The following HS3ST5 variants were observed in gnomAD, a reference collection of about 807,000 sequenced individuals.
HS3ST5 encodes the protein heparan sulfate-glucosamine 3-sulfotransferase 5, also known as heparan sulfate glucosamine 3-O-sulfotransferase 5.
A neutral mutation model predicts 25.4 loss-of-function variants in HS3ST5; 10 were observed. The ratio of observed to expected loss-of-function variants is 0.39; its 90% CI spans 0.24 to 0.67. HS3ST5 has a LOEUF of 0.67. Among genes scored for constraint, HS3ST5 ranks in the 30% least tolerant of loss-of-function variants. The pLI is 0.44. For missense variants in HS3ST5, 324 were observed against 420.7 expected (o/e 0.77, Z 2.01); for synonymous variants, 170 against 162.4 (o/e 1.05, Z -0.36).
intron 3 of HS3ST5, among the ~76,000 whole-genome samples, chr6:114,156,436 G>T (rs1431380822): frequency 1.3e-5 from 2 of 152,206 alleles, no homozygotes; most frequent in Non-Finnish European, 2.9e-5. Flanking sequence ...TATGTATTTT[G>T]TAGTTGTGCT....
intron 3 of HS3ST5, among the ~76,000 whole-genome samples, chr6:114,156,211 A>C (rs145340850): frequency 1.5e-4 from 23 of 152,242 alleles, no homozygotes; most frequent in Non-Finnish European, 2.5e-4. Flanking sequence ...TTCTTTCCCA[A>C]ATTAACAAAA....
intron 3 of HS3ST5, among the ~76,000 whole-genome samples, chr6:114,162,966 C>CG (rs1159473184): frequency 6.6e-6 from 1 of 152,106 alleles, no homozygotes; most frequent in African/African-American, 2.4e-5. Flanking sequence ...TCTTTGAGGG[C>CG]GGGGGGTTTT....
At chr6:114,241,397 G>T (rs1015261440) in intron 1 of HS3ST5, among the ~76,000 whole-genome samples, 1 of 151,848 alleles carries the variant, frequency 6.6e-6, no homozygotes, top group Non-Finnish European at 1.5e-5. Flanking sequence ...GTTAGTCCTT[G>T]TATTACTTCT....
At chr6:114,281,406 C>A (rs986141394) in intron 1 of HS3ST5, among the ~76,000 whole-genome samples, 1 of 151,980 alleles carries the variant, frequency 6.6e-6, no homozygotes, top group South Asian at 2.1e-4. Flanking sequence ...TGAAAAGTTT[C>A]TTTAAAAGGT....
intron 3 of HS3ST5, among the ~76,000 whole-genome samples, chr6:114,146,900 A>G (rs1778193992): frequency 6.6e-6 from 1 of 152,146 alleles, no homozygotes; most frequent in Non-Finnish European, 1.5e-5. Flanking sequence ...CAGAACTATG[A>G]GCCATTAAAC....
chr6:114,238,477 A>G (rs1434984412), intron 1 of HS3ST5, among the ~76,000 whole-genome samples: 1 of 152,194 alleles, frequency 6.6e-6, no homozygotes. Flanking sequence ...TGTGTCTTTA[A>G]AAAGATTTTT....
chr6:114,211,098 C>T (rs1315051926), intron 2 of HS3ST5, among the ~76,000 whole-genome samples: 1 of 152,188 alleles, frequency 6.6e-6, no homozygotes, highest in African/African-American at 2.4e-5. Context: ...TAGAGTAAGA[C>T]AGGTTGTCAT....
At chr6:114,284,492 T>G (rs767131229) in intron 1 of HS3ST5, among the ~76,000 whole-genome samples, 1 of 152,078 alleles carries the variant, frequency 6.6e-6, no homozygotes, top group Non-Finnish European at 1.5e-5. Context: ...TAGTCACAAC[T>G]TGGCACAGAA....
At chr6:114,286,754 C>T (rs11153476) in intron 1 of HS3ST5, among the ~76,000 whole-genome samples, 37,456 of 151,404 alleles carry the variant, frequency 0.25, 5,170 homozygotes, top group Non-Finnish European at 0.32. Flanking sequence ...TACATTAGAA[C>T]GAAATAAGTA....
intron 2 of HS3ST5, among the ~76,000 whole-genome samples, chr6:114,174,336 C>G (rs1779614591): frequency 1.3e-5 from 2 of 151,992 alleles, no homozygotes. Flanking sequence ...CAGAGTGATG[C>G]AATTATCTCT....
chr6:114,125,373 T>C (rs919246865), intron 3 of HS3ST5, among the ~76,000 whole-genome samples: 9 of 152,208 alleles, frequency 5.9e-5, no homozygotes, highest in African/African-American at 1.9e-4. Context: ...CTGAGAAAAT[T>C]ATTTGCAAAA....
At chr6:114,317,072 T>C (rs1208695676) in intron 1 of HS3ST5, among the ~76,000 whole-genome samples, 2 of 152,242 alleles carry the variant, frequency 1.3e-5, no homozygotes, top group African/African-American at 2.4e-5. Flanking sequence ...AAAGCTCTGA[T>C]TTAATATCTT....
intron 4 of HS3ST5, 72 bp from the exon 5 acceptor site, chr6:114,058,262 C>A: frequency 8.5e-7 from 1 of 1,183,180 alleles, no homozygotes; most frequent in Non-Finnish European, 1.2e-6. Flanking sequence ...CCAGTCAGAC[C>A]AAGACTTTAA....
intron 2 of HS3ST5, among the ~76,000 whole-genome samples, chr6:114,210,916 G>T (rs780480052): frequency 6.6e-6 from 1 of 152,036 alleles, no homozygotes; most frequent in African/African-American, 2.4e-5. Flanking sequence ...TTTCAGTCCC[G>T]CACTATATCT....
intron 1 of HS3ST5, among the ~76,000 whole-genome samples, chr6:114,338,905 G>C (rs1349908118): frequency 2.0e-5 from 3 of 151,982 alleles, no homozygotes; most frequent in Non-Finnish European, 4.4e-5. Context: ...ATAATGAAAA[G>C]TTTAACTAGG....
At chr6:114,270,214 T>C (rs1168628832) in intron 1 of HS3ST5, among the ~76,000 whole-genome samples, 2 of 152,202 alleles carry the variant, frequency 1.3e-5, no homozygotes, top group African/African-American at 4.8e-5. Context: ...TGAGGCAGAC[T>C]GCCAATTTTG....
chr6:114,060,941 G>C (rs1773078593), intron 4 of HS3ST5, among the ~76,000 whole-genome samples: 1 of 152,158 alleles, frequency 6.6e-6, no homozygotes. Context: ...TTTAGGATTG[G>C]AAGGGATGGT....
chr6:114,098,415 T>C (rs1163488122), intron 3 of HS3ST5, among the ~76,000 whole-genome samples: 1 of 150,386 alleles, frequency 6.6e-6, no homozygotes, highest in Admixed American at 6.7e-5. Flanking sequence ...ATTAATATTA[T>C]ATTAAATATA....
intron 1 of HS3ST5, among the ~76,000 whole-genome samples, chr6:114,339,484 C>T (rs943420937): frequency 2.0e-5 from 3 of 152,006 alleles, no homozygotes; most frequent in Non-Finnish European, 2.9e-5. Context: ...TTTTAAAAAA[C>T]GTTACTGTTT....
Sources: gnomAD v4.1 joint callset for allele counts (sites outside exome capture counted in the v4.1 genomes callset) on GRCh38, gnomAD v4.1.1 for gene constraint, MANE v1.5 for transcripts, NCBI Gene and HGNC (gene_info 2026-07-23, HGNC 2026-07-21) for gene names.